Variants in INTS3 observed in about 807,000 individuals in gnomAD.
The protein encoded by INTS3 is SOSS complex subunit A.
In INTS3, 34 loss-of-function variants were observed where a neutral mutation model predicts 146.3. That is an observed-to-expected ratio of 0.23 (90% CI 0.18 to 0.31). The LOEUF (loss-of-function observed/expected upper bound fraction) is 0.31. Ranked by LOEUF, INTS3 falls within the 10% of genes least tolerant of loss-of-function variation. The probability of loss-of-function intolerance (pLI) is 1.00; values close to 1 mark genes in which losing one functional copy is unlikely to be tolerated. For missense variants in INTS3, 757 were observed against 1,304.2 expected, an observed-to-expected ratio of 0.58 and a Z score of 6.46; for synonymous variants, 475 against 494.9, an observed-to-expected ratio of 0.96 and a Z score of 0.53.
At chr1:153,737,309 G>A (rs1212683546) in intron 1 of INTS3, among the ~76,000 whole-genome samples, 1 of 152,202 alleles carries the variant, frequency 6.6e-6, no homozygotes, top group Non-Finnish European at 1.5e-5. Flanking sequence ...AGTTTAGGTG[G>A]TGATAATGGA....
At chr1:153,751,514 C>T (rs1254246281) in intron 7 of INTS3, among the ~76,000 whole-genome samples, 3 of 152,216 alleles carry the variant, frequency 2.0e-5, no homozygotes, top group African/African-American at 7.2e-5. Context: ...CATAAGCTGT[C>T]CTTGTGTGCC....
chr1:153,761,132 C>G, intron 13 of INTS3: 1 of 1,284,798 alleles, frequency 7.8e-7, no homozygotes, highest in Non-Finnish European at 1.0e-6. Context: ...CTTCATGTTC[C>G]CTGTTGACCC....
intron 1 of INTS3, 126 bp downstream of exon 1, chr1:153,728,910 A>G (rs1670962400): frequency 9.8e-6 from 6 of 610,096 alleles, no homozygotes; most frequent in Non-Finnish European, 1.7e-5. Flanking sequence ...GTGAAGTAAC[A>G]CAAACACTGC....
chr1:153,736,761 C>CTTTTT lies in INTS3; in HGVS notation c.151-3874_151-3870dup, dbSNP rs5777880. Among the ~76,000 whole-genome samples, 51 of 94,034 alleles carry CTTTTT rather than the reference C, an allele frequency of 5.4e-4. 1 individual carries two copies. The highest frequency in any genetic ancestry group is 1.6e-3 in the East Asian group (5 of 3,072). 61.7% of individuals were successfully genotyped at this position (94,034 alleles called of 152,430 possible). On this transcript the variant is annotated intron_variant, in intron 1 of 29. Coordinates refer to ENST00000318967, the MANE Select transcript of INTS3 (RefSeq NM_023015.5). ...GCGCCCAGTCCAATTGTCTTTCATT[C>CTTTTT]TTTTTTTTTTTTTTTTTTTTGAGAC...
At chr1:153,761,384 C>T in intron 13 of INTS3, 186 bp from the exon 14 acceptor site, 2 of 580,592 alleles carry the variant, frequency 3.4e-6, no homozygotes, top group South Asian at 2.1e-5. Context: ...ATGGTGCACA[C>T]CTGTAATCCT....
intron 25 of INTS3, 130 bp from the exon 26 acceptor site, chr1:153,771,666 G>A: frequency 4.7e-6 from 4 of 842,380 alleles, no homozygotes; most frequent in Non-Finnish European, 7.5e-6. Flanking sequence ...TTGGCCTAAG[G>A]AGAAGAGGGA....
chr1:153,731,417 A>G (rs1459241806), intron 1 of INTS3, among the ~76,000 whole-genome samples: 1 of 151,822 alleles, frequency 6.6e-6, no homozygotes, highest in African/African-American at 2.4e-5. Flanking sequence ...TCCCATCCCA[A>G]TTTGGGGAGG....
At chr1:153,753,032 G>A (rs1161671901) in intron 8 of INTS3, among the ~76,000 whole-genome samples, 2 of 148,516 alleles carry the variant, frequency 1.3e-5, no homozygotes, top group East Asian at 2.0e-4. Context: ...GCATGCACCC[G>A]CTCCCCTCCT....
At chr1:153,747,254 A>G in intron 4 of INTS3, 25 bp from the exon 5 acceptor site, 1 of 1,601,448 alleles carries the variant, frequency 6.2e-7, no homozygotes, top group Non-Finnish European at 8.6e-7. Flanking sequence ...CCTGCTCTTC[A>G]TCTGTTTTTC....
intron 1 of INTS3, among the ~76,000 whole-genome samples, chr1:153,738,149 A>C (rs1355212915): frequency 1.3e-5 from 2 of 152,118 alleles, no homozygotes; most frequent in Non-Finnish European, 2.9e-5. Context: ...CCCAGGCTGG[A>C]GTGTAGTGGT....
chr1:153,772,311 A>C lies in INTS3; in HGVS notation c.2721-29A>C. 1 of 1,608,066 alleles carries C rather than the reference A, an allele frequency of 6.2e-7. No individual in the cohort carries two copies. Among genetic ancestry groups the C allele is most frequent in the Non-Finnish European group, 8.5e-7 (1 of 1,176,112 alleles). On this transcript the variant is annotated intron_variant, in intron 26 of 29. Transcript: ENST00000318967. This position sits in a 1 kb window ranked among gnomAD's most constrained non-coding sequence, Gnocchi z 4.6. The stretch of plus-strand genomic sequence containing the variant: ...CGCACTCTGGAACCCTCCCACACTC[A>C]GACTCTGGCTCTGGTGATTCCTGCA...
chr1:153,739,388 G>T (rs1197214406), intron 1 of INTS3, among the ~76,000 whole-genome samples: 1 of 144,750 alleles, frequency 6.9e-6, no homozygotes, highest in Admixed American at 7.0e-5. Flanking sequence ...TGTTGCCCAG[G>T]CTGGAGTGCA....
At position 153,772,077 on chromosome 1, in the gene INTS3, G is replaced by C; in HGVS notation, c.2720+114G>C. The stretch of plus-strand genomic sequence containing the variant: ...ATGGGGGTCAGTGCTGTCCCAGCCT[G>C]GTTTGTGGGCGACATCTAGTGGTCC... On this transcript the variant is annotated intron_variant, in intron 26 of 29. Coordinates refer to ENST00000318967, the MANE Select transcript of INTS3 (RefSeq NM_023015.5). This position sits in a 1 kb window ranked among gnomAD's most constrained non-coding sequence, Gnocchi z 4.6. 1 of 1,201,754 alleles carries C rather than the reference G, an allele frequency of 8.3e-7. No individual in the cohort carries two copies. Among genetic ancestry groups the C allele is most frequent in the Non-Finnish European group, 1.2e-6 (1 of 868,262 alleles). 74.4% of individuals were successfully genotyped at this position (1,201,754 alleles called of 1,614,324 possible).
chr1:153,769,008 T>G, intron 22 of INTS3, 47 bp downstream of exon 22: 1 of 1,424,078 alleles, frequency 7.0e-7, no homozygotes, highest in African/African-American at 1.4e-5. Flanking sequence ...GAGGCAGCAT[T>G]AGGGACATAG....
intron 6 of INTS3, among the ~76,000 whole-genome samples, chr1:153,749,621 A>T (rs1671880311): frequency 6.6e-6 from 1 of 152,174 alleles, no homozygotes; most frequent in Admixed American, 6.5e-5. Context: ...ATGTGCAGCC[A>T]CATCTGGGCC....
Position 153,752,243 on chromosome 1 carries a change from C to G in INTS3, c.730-36C>G, listed in dbSNP as rs751122161. The G allele has an allele frequency of 3.7e-6, 6 of 1,606,392 alleles. No individual in the cohort carries two copies. In the Admixed American group the frequency reaches 5.0e-5, roughly 13 times the overall value. On this transcript the variant is annotated intron_variant, in intron 7 of 29. Coordinates refer to ENST00000318967, the MANE Select transcript of INTS3 (RefSeq NM_023015.5). ...CAGGTAAACAATCCATGTTTTTATT[C>G]TCTTTCCTGTCCCCCACTTCCTCTT...
chr1:153,770,058 GGTGTGTGTGTGTGTGTGT>G (rs55766761), intron 23 of INTS3, 122 bp from the exon 24 acceptor site: 82 of 444,222 alleles, frequency 1.8e-4, no homozygotes, highest in African/African-American at 2.9e-4. Context: ...AGTGGATTGG[GGTGTGTGTGTGTGTGTGT>G]GTGTGTGTGT....
At chr1:153,734,866 T>G (rs1252869835) in intron 1 of INTS3, among the ~76,000 whole-genome samples, 2 of 152,196 alleles carry the variant, frequency 1.3e-5, no homozygotes, top group African/African-American at 4.8e-5. Context: ...CAGGAATCTT[T>G]AAGGCCATCC....
chr1:153,755,770 G>T (rs1672136907), intron 9 of INTS3, among the ~76,000 whole-genome samples: 1 of 152,176 alleles, frequency 6.6e-6, no homozygotes, highest in Non-Finnish European at 1.5e-5. Context: ...CGGACGCAGT[G>T]GCTTATGCCT....
Sources: gnomAD v4.1 joint callset for allele counts (sites outside exome capture counted in the v4.1 genomes callset) on GRCh38, gnomAD v4.1.1 for gene constraint, Gnocchi (gnomAD v3.1) non-coding constraint, MANE v1.5 for transcripts, NCBI Gene and HGNC (gene_info 2026-07-23, HGNC 2026-07-21) for gene names.